Variants in CACNA1D observed in about 807,000 individuals in gnomAD.
CACNA1D encodes the protein voltage-dependent L-type calcium channel subunit alpha-1D.
Under a neutral mutation model 257.1 loss-of-function variants are expected in CACNA1D, and 55 were observed. The ratio of observed to expected loss-of-function variants is 0.21; its 90% CI spans 0.17 to 0.27. CACNA1D has a LOEUF of 0.27. Among genes scored for constraint, CACNA1D ranks in the 10% least tolerant of loss-of-function variants. The pLI is 1.00. For missense variants in CACNA1D, 1,876 were observed against 2,784.0 expected (o/e 0.67, Z 7.34); for synonymous variants, 980 against 1,014.9 (o/e 0.97, Z 0.65).
chr3:53,805,824 C>T lies in CACNA1D; in HGVS notation c.5749+678C>T, dbSNP rs548405494. On this transcript the variant is annotated intron_variant, in intron 45 of 47. Transcript: ENST00000350061. ...CTCCTCTATCTTCCCTCCTCCTCCT[C>T]CATCTTCCCTCCTCCTCCATCTTTC... Among the ~76,000 whole-genome samples the T allele has an allele frequency of 6.0e-4, 84 of 138,970 alleles. 1 individual carries two copies. The highest frequency in any genetic ancestry group is 1.1e-3 in the Non-Finnish European group (68 of 63,884). 91.2% of individuals were successfully genotyped at this position (138,970 alleles called of 152,430 possible).
chr3:53,498,485 G>A (rs2090443385), intron 2 of CACNA1D, among the ~76,000 whole-genome samples: 1 of 152,132 alleles, frequency 6.6e-6, no homozygotes, highest in South Asian at 2.1e-4. Context: ...ATGATTCATT[G>A]GTCTGGGTAA....
intron 40 of CACNA1D, chr3:53,790,919 T>G (rs1576676960): frequency 5.8e-6 from 4 of 689,190 alleles, no homozygotes; most frequent in Non-Finnish European, 1.1e-5. Context: ...TTTCTTTTTT[T>G]AATCTAAGAG....
intron 3 of CACNA1D, among the ~76,000 whole-genome samples, chr3:53,641,941 A>T (rs1303525351): frequency 6.6e-6 from 1 of 152,216 alleles, no homozygotes; most frequent in African/African-American, 2.4e-5. Context: ...AGATACCTCA[A>T]CATTTTAGAG....
chr3:53,559,153 A>G (rs1370476099), intron 3 of CACNA1D, among the ~76,000 whole-genome samples: 1 of 152,202 alleles, frequency 6.6e-6, no homozygotes, highest in Non-Finnish European at 1.5e-5. Flanking sequence ...CCAGTCTGCA[A>G]TTGAAGCTAT....
At position 53,744,752 on chromosome 3, in the gene CACNA1D, C is replaced by T. The variant is rs1016504102; in HGVS notation, c.2931C>T (p.Ile977=). 1.2e-6 allele frequency: 2 copies of T among 1,600,430 alleles called. No homozygotes were observed. The highest frequency in any genetic ancestry group is 1.7e-6 in the Non-Finnish European group (2 of 1,167,500). ...LVSFGIQSSA[I]SVVKILRVLR... is the part of the protein sequence containing the mutation. The stretch of plus-strand genomic sequence containing the variant: ...GCTCCTTCCCTAGATCCAGTGCCAT[C>T]TCCGTTGTGAAGATTCTGAGGGTCT... The change falls in exon 23 of 48, where the codon ATC becomes ATT. Residue 977 remains isoleucine, a synonymous_variant. Coordinates refer to ENST00000350061, the MANE Select transcript of CACNA1D (RefSeq NM_001128840.3).
At chr3:53,620,463 TTC>T (rs2108030638) in intron 3 of CACNA1D, among the ~76,000 whole-genome samples, 2 of 152,308 alleles carry the variant, frequency 1.3e-5, no homozygotes, top group South Asian at 4.1e-4. Flanking sequence ...TATATATTTT[TTC>T]TGTTTTTGTA....
intron 3 of CACNA1D, among the ~76,000 whole-genome samples, chr3:53,554,079 C>T (rs2092592519): frequency 6.6e-6 from 1 of 151,538 alleles, no homozygotes; most frequent in Admixed American, 6.6e-5. Context: ...GCCTATAGTC[C>T]CAGCTACTTG....
At chr3:53,578,222 G>A (rs1450296962) in intron 3 of CACNA1D, among the ~76,000 whole-genome samples, 1 of 152,116 alleles carries the variant, frequency 6.6e-6, no homozygotes, top group Non-Finnish European at 1.5e-5. Context: ...GCCCAGAGTG[G>A]AGCAGAGCCC....
intron 45 of CACNA1D, among the ~76,000 whole-genome samples, chr3:53,805,823 TC>T (rs1278851555): frequency 8.4e-6 from 1 of 119,472 alleles, no homozygotes; most frequent in Non-Finnish European, 1.7e-5. Flanking sequence ...CTCCTCCTCC[TC>T]CATCTTCCCT....
chr3:53,501,943 G>A (rs888576659), intron 3 of CACNA1D, among the ~76,000 whole-genome samples: 4 of 151,984 alleles, frequency 2.6e-5, no homozygotes, highest in African/African-American at 9.7e-5. Context: ...TTTATAAATA[G>A]ATATGGAATT....
At chr3:53,682,349 G>A (rs1326885062) in intron 8 of CACNA1D, among the ~76,000 whole-genome samples, 3 of 108,582 alleles carry the variant, frequency 2.8e-5, no homozygotes, top group East Asian at 3.4e-4. Flanking sequence ...GCGACATAGC[G>A]AGGCTTTGTC....
At chr3:53,747,534 G>T in intron 26 of CACNA1D, 86 bp downstream of exon 26, 3 of 1,377,126 alleles carry the variant, frequency 2.2e-6, no homozygotes, top group South Asian at 2.3e-5. Flanking sequence ...TCCCATTTCT[G>T]TTCTCCAGTG....
chr3:53,718,601 C>CCCCCCCCCACA, intron 10 of CACNA1D: 2 of 1,103,204 alleles, frequency 1.8e-6, no homozygotes, highest in Non-Finnish European at 2.7e-6. Context: ...CCCCCCGGCC[C>CCCCCCCCCACA]AGCATTTCAC....
At chr3:53,784,605 C>T (rs2095442926) in intron 39 of CACNA1D, among the ~76,000 whole-genome samples, 1 of 152,164 alleles carries the variant, frequency 6.6e-6, no homozygotes. Flanking sequence ...TTGCTAGAAG[C>T]ATCAGGGTGG....
intron 3 of CACNA1D, among the ~76,000 whole-genome samples, chr3:53,603,607 G>A (rs1161964866): frequency 1.3e-5 from 2 of 152,156 alleles, no homozygotes; most frequent in African/African-American, 4.8e-5. Context: ...TACTCTTAGC[G>A]ACAGAGGGAG....
chr3:53,745,789 C>G (rs2095162688), intron 24 of CACNA1D, 34 bp from the exon 25 acceptor site: 1 of 1,606,540 alleles, frequency 6.2e-7, no homozygotes. Flanking sequence ...GAGAAGCCTG[C>G]ATTTACTTAA....
intron 8 of CACNA1D, among the ~76,000 whole-genome samples, chr3:53,700,098 T>TTATATAATTATAATACATTATAAAATG (rs2094609137): frequency 6.7e-6 from 1 of 148,226 alleles, no homozygotes; most frequent in African/African-American, 2.4e-5. Flanking sequence ...TAAAATATAA[T>TTATATAATTATAATACATTATAAAATG]TATATAATTA....
chr3:53,695,852 A>G (rs1452900724), intron 8 of CACNA1D, among the ~76,000 whole-genome samples: 4 of 152,148 alleles, frequency 2.6e-5, no homozygotes, highest in Non-Finnish European at 4.4e-5. Flanking sequence ...TAGGAGTCCT[A>G]TCAAATTTCT....
chr3:53,557,254 GGA>G (rs1263440039), intron 3 of CACNA1D, among the ~76,000 whole-genome samples: 1 of 152,114 alleles, frequency 6.6e-6, no homozygotes, highest in Admixed American at 6.5e-5. Flanking sequence ...CCAGCACTTG[GGA>G]GTCCGAGGAG....
Sources: gnomAD v4.1 joint callset for allele counts (sites outside exome capture counted in the v4.1 genomes callset) on GRCh38, gnomAD v4.1.1 for gene constraint, MANE v1.5 for transcripts, NCBI Gene and HGNC (gene_info 2026-07-23, HGNC 2026-07-21) for gene names.